Variants in CSMD1 observed in about 807,000 individuals in gnomAD.
CSMD1 encodes CUB and sushi domain-containing protein 1.
CSMD1 carries 213 observed loss-of-function variants against 417.5 expected under a neutral mutation model. The observed-to-expected ratio is 0.51, with a 90% CI of 0.46 to 0.57. CSMD1 has a LOEUF of 0.57. Ranked by LOEUF, CSMD1 falls within the 20% of genes least tolerant of loss-of-function variation. The probability of loss-of-function intolerance (pLI) is 0.00; values close to 1 mark genes in which losing one functional copy is unlikely to be tolerated. For missense variants in CSMD1, 6,923 were observed against 4,529.7 expected (o/e 1.53, Z -15.17); for synonymous variants, 2,862 against 1,736.8 (o/e 1.65, Z -16.11).
intron 3 of CSMD1, among the ~76,000 whole-genome samples, chr8:4,385,514 G>A (rs1020151410): frequency 3.3e-5 from 5 of 152,074 alleles, no homozygotes; most frequent in Non-Finnish European, 5.9e-5. Context: ...CGTATTAGTA[G>A]TCTTAAGAAT....
intron 54 of CSMD1, among the ~76,000 whole-genome samples, chr8:2,992,308 T>C (rs941840983): frequency 2.0e-5 from 3 of 152,166 alleles, no homozygotes; most frequent in African/African-American, 7.2e-5. Context: ...TTTGGGGTGA[T>C]GAAACATCTG....
chr8:4,399,527 C>T (rs1413761398), intron 3 of CSMD1, among the ~76,000 whole-genome samples: 3 of 152,100 alleles, frequency 2.0e-5, no homozygotes, highest in Non-Finnish European at 4.4e-5. Context: ...AAGAAACTTT[C>T]CTCTCTGAAT....
intron 5 of CSMD1, among the ~76,000 whole-genome samples, chr8:3,799,452 T>G (rs1047916604): frequency 2.2e-5 from 3 of 135,888 alleles, no homozygotes; most frequent in African/African-American, 8.4e-5. Flanking sequence ...TGTGTCCAAG[T>G]GTTCTCACTG....
chr8:4,745,570 C>G (rs182037798), intron 1 of CSMD1, among the ~76,000 whole-genome samples: 62 of 152,084 alleles, frequency 4.1e-4, no homozygotes, highest in Non-Finnish European at 7.8e-4. Flanking sequence ...TGAAATGTAG[C>G]AGACATTTCT....
chr8:3,902,229 T>C (rs146832659), intron 5 of CSMD1, among the ~76,000 whole-genome samples: 213 of 152,288 alleles, frequency 1.4e-3, no homozygotes, highest in African/African-American at 4.9e-3. Context: ...TTTCAGCCCA[T>C]TGACCACCTC....
intron 11 of CSMD1, among the ~76,000 whole-genome samples, chr8:3,472,419 G>A (rs979763126): frequency 3.3e-5 from 5 of 151,978 alleles, no homozygotes; most frequent in Non-Finnish European, 7.4e-5. Flanking sequence ...CAACATGATT[G>A]GTACTCTGCT....
intron 12 of CSMD1, among the ~76,000 whole-genome samples, chr8:3,427,718 A>C (rs1006147114): frequency 6.6e-6 from 1 of 152,202 alleles, no homozygotes; most frequent in African/African-American, 2.4e-5. Context: ...TTCCATGGAA[A>C]TGTAAAAGTA....
intron 5 of CSMD1, among the ~76,000 whole-genome samples, chr8:3,981,277 T>A (rs752326471): frequency 1.3e-5 from 2 of 152,078 alleles, no homozygotes; most frequent in Non-Finnish European, 2.9e-5. Context: ...CTCACTGATA[T>A]GTGGGAGCTA....
chr8:3,656,896 G>A (rs1329019521), intron 7 of CSMD1, among the ~76,000 whole-genome samples: 2 of 150,630 alleles, frequency 1.3e-5, no homozygotes, highest in East Asian at 3.9e-4. Context: ...CTGCACTCCA[G>A]CCTGGGCAAC....
intron 10 of CSMD1, among the ~76,000 whole-genome samples, chr8:3,508,043 T>A (rs1014932879): frequency 2.3e-4 from 35 of 152,216 alleles, no homozygotes; most frequent in African/African-American, 8.2e-4. Context: ...TGGCTTTTGT[T>A]GCCATTGCTT....
chr8:3,570,024 A>AAC (rs1248399600), intron 10 of CSMD1, among the ~76,000 whole-genome samples: 1 of 152,244 alleles, frequency 6.6e-6, no homozygotes, highest in African/African-American at 2.4e-5. Context: ...AGTGTACACA[A>AAC]AGATGAGAGA....
At chr8:3,197,796 G>T (rs1416186388) in intron 33 of CSMD1, among the ~76,000 whole-genome samples, 1 of 152,134 alleles carries the variant, frequency 6.6e-6, no homozygotes. Context: ...TGGAACTACT[G>T]TCTTTCAAGA....
intron 1 of CSMD1, among the ~76,000 whole-genome samples, chr8:4,711,114 A>G (rs1021562822): frequency 3.9e-5 from 6 of 151,942 alleles, no homozygotes; most frequent in Non-Finnish European, 8.8e-5. Flanking sequence ...AATTATTATA[A>G]GAGAAGTTTG....
chr8:4,517,893 G>C (rs928039339), intron 2 of CSMD1, among the ~76,000 whole-genome samples: 4 of 152,144 alleles, frequency 2.6e-5, no homozygotes, highest in Non-Finnish European at 4.4e-5. Context: ...CATTTGAGTA[G>C]GGTGTCTAGT....
chr8:4,289,063 TATGG>T, intron 3 of CSMD1, among the ~76,000 whole-genome samples: 1 of 152,260 alleles, frequency 6.6e-6, no homozygotes, highest in South Asian at 2.1e-4. Flanking sequence ...ACAGTGCACA[TATGG>T]ATGAAAATAA....
intron 5 of CSMD1, among the ~76,000 whole-genome samples, chr8:3,982,798 G>T (rs1429517605): frequency 6.6e-6 from 1 of 152,162 alleles, no homozygotes; most frequent in Non-Finnish European, 1.5e-5. Context: ...GCAAGAATCC[G>T]CTGGAGGATT....
intron 1 of CSMD1, among the ~76,000 whole-genome samples, chr8:4,663,466 G>T (rs1804730873): frequency 6.6e-6 from 1 of 152,148 alleles, no homozygotes; most frequent in Admixed American, 6.5e-5. Context: ...TGGAGGAGGG[G>T]CCTGGTGGGA....
chr8:3,592,665 TGTGC>T (rs1800902799), intron 8 of CSMD1, among the ~76,000 whole-genome samples: 1 of 128,764 alleles, frequency 7.8e-6, no homozygotes, highest in African/African-American at 4.7e-5. Context: ...TTTACGTGTG[TGTGC>T]ACATCCGTGT....
chr8:4,014,953 G>A (rs929589490), intron 4 of CSMD1, among the ~76,000 whole-genome samples: 5 of 152,188 alleles, frequency 3.3e-5, no homozygotes, highest in African/African-American at 4.8e-5. Context: ...ATGAGATAAC[G>A]TGAATGACGT....
Sources: allele counts gnomAD v4.1 joint callset (sites outside exome capture counted in the v4.1 genomes callset), GRCh38; gene constraint gnomAD v4.1.1; transcripts MANE v1.5; gene names NCBI Gene and HGNC (gene_info 2026-07-23, HGNC 2026-07-21).